NRG3: variants seen among roughly 807,000 people sequenced by gnomAD.
NRG3 encodes the protein neuregulin 3.
NRG3 carries 31 observed loss-of-function variants against 66.9 expected under a neutral mutation model. The ratio of observed to expected loss-of-function variants is 0.46; its 90% confidence interval spans 0.35 to 0.63. The LOEUF is 0.63. NRG3 is among the 20% of genes least tolerant of loss of function. NRG3 has a pLI of 0.00. For missense variants in NRG3, 910 were observed against 878.9 expected, an observed-to-expected ratio of 1.04 and a Z score of -0.45; for synonymous variants, 393 against 359.4, an observed-to-expected ratio of 1.09 and a Z score of -1.06.
At chr10:82,828,608 A>C (rs757033091) in intron 3 of NRG3, among the ~76,000 whole-genome samples, 1 of 152,226 alleles carries the variant, frequency 6.6e-6, no homozygotes, top group Admixed American at 6.5e-5. Context: ...AAGAATGGAA[A>C]TATTCTGATT....
intron 2 of NRG3, among the ~76,000 whole-genome samples, chr10:82,365,290 A>C (rs79182911): frequency 0.035 from 5,381 of 152,290 alleles, 158 homozygotes; most frequent in African/African-American, 0.08. Flanking sequence ...TAAAATATCT[A>C]TAAATCCAGG....
chr10:82,799,141 T>G lies in NRG3; in HGVS notation c.1027+60491T>G, dbSNP rs142437263. Among the ~76,000 whole-genome samples, 504 of 152,296 alleles carry G rather than the reference T, an allele frequency of 3.3e-3. 4 individuals are homozygous for G. Among genetic ancestry groups the G allele is most frequent in the African/African-American group, 0.012 (493 of 41,562 alleles). ...TTTCCAAGAACAGAGTATATCAGCA[T>G]GATAGAGTTCTAACAAAAGATGCTG... On this transcript the variant is annotated intron_variant, in intron 3 of 8. Coordinates refer to ENST00000372141, the MANE Select transcript of NRG3 (RefSeq NM_001010848.4).
intron 1 of NRG3, among the ~76,000 whole-genome samples, chr10:82,127,161 G>A (rs546165114): frequency 2.0e-5 from 3 of 152,226 alleles, no homozygotes; most frequent in African/African-American, 7.2e-5. Context: ...TGCTGCAAGG[G>A]CAGCTTAAGT....
chr10:81,978,449 G>C (rs1371914381), intron 1 of NRG3, among the ~76,000 whole-genome samples: 1 of 152,076 alleles, frequency 6.6e-6, no homozygotes, highest in Non-Finnish European at 1.5e-5. Context: ...TTTGCTTCAA[G>C]ATAGCCAAGA....
chr10:82,938,620 T>C (rs1848301934), intron 4 of NRG3, among the ~76,000 whole-genome samples: 1 of 152,208 alleles, frequency 6.6e-6, no homozygotes, highest in African/African-American at 2.4e-5. Flanking sequence ...TTACACCTCA[T>C]CTGTCTGAGA....
At chr10:82,242,534 G>T (rs1157992920) in intron 1 of NRG3, among the ~76,000 whole-genome samples, 1 of 152,084 alleles carries the variant, frequency 6.6e-6, no homozygotes, top group Non-Finnish European at 1.5e-5. Flanking sequence ...AAAATAATAA[G>T]AAAAAAGTCA....
At chr10:82,751,405 A>T (rs1024939373) in intron 3 of NRG3, among the ~76,000 whole-genome samples, 8 of 152,186 alleles carry the variant, frequency 5.3e-5, no homozygotes, top group African/African-American at 1.9e-4. Context: ...ACATTTTTAA[A>T]TATTGGGCAT....
intron 2 of NRG3, among the ~76,000 whole-genome samples, chr10:82,737,573 T>G (rs1050093827): frequency 3.9e-5 from 6 of 152,158 alleles, no homozygotes; most frequent in African/African-American, 1.4e-4. Flanking sequence ...TTCCTCCTCT[T>G]AAGTAGGACA....
At chr10:82,802,235 AG>A (rs1323103500) in intron 3 of NRG3, among the ~76,000 whole-genome samples, 2 of 152,316 alleles carry the variant, frequency 1.3e-5, no homozygotes, top group East Asian at 3.9e-4. Context: ...CGACAGAGAG[AG>A]GAGGCCCTGG....
intron 1 of NRG3, among the ~76,000 whole-genome samples, chr10:82,287,793 T>C (rs148656787): frequency 0.012 from 1,846 of 152,258 alleles, 22 homozygotes; most frequent in Non-Finnish European, 0.02. Flanking sequence ...CTTGAGACTT[T>C]GGTCCCGACC....
intron 1 of NRG3, chr10:82,166,863 G>A: frequency 1.6e-6 from 1 of 636,324 alleles, no homozygotes; most frequent in Non-Finnish European, 2.9e-6. Flanking sequence ...CTTCATTACT[G>A]AAAGGTATTT....
intron 2 of NRG3, among the ~76,000 whole-genome samples, chr10:82,554,976 G>A (rs559960727): frequency 3.9e-5 from 6 of 152,106 alleles, no homozygotes; most frequent in Non-Finnish European, 8.8e-5. Context: ...CAGTGGCCCA[G>A]CCTCTGAAAT....
At chr10:82,662,451 A>G (rs556492685) in intron 2 of NRG3, among the ~76,000 whole-genome samples, 2 of 150,046 alleles carry the variant, frequency 1.3e-5, no homozygotes, top group Admixed American at 6.5e-5. Flanking sequence ...CCTCTAAAAG[A>G]TGCTTAGACA....
chr10:82,095,608 A>T (rs1437352682), intron 1 of NRG3, among the ~76,000 whole-genome samples: 1 of 152,216 alleles, frequency 6.6e-6, no homozygotes, highest in East Asian at 1.9e-4. Context: ...AGTGAAGTGA[A>T]ATCAGTGATA....
At chr10:82,271,664 T>A (rs1284537033) in intron 1 of NRG3, among the ~76,000 whole-genome samples, 4 of 152,130 alleles carry the variant, frequency 2.6e-5, no homozygotes, top group Non-Finnish European at 5.9e-5. Flanking sequence ...TTTACTGTTT[T>A]CCTGCACCAA....
chr10:82,005,612 CAGTAA>C (rs1216508661), intron 1 of NRG3, among the ~76,000 whole-genome samples: 5 of 152,056 alleles, frequency 3.3e-5, no homozygotes, highest in Non-Finnish European at 7.4e-5. Context: ...TGAATGATAC[CAGTAA>C]AGTTACCATC....
rs192548972 is a variant in NRG3, at chr10:82,363,361, C to G, written c.953+4493C>G. The stretch of plus-strand genomic sequence containing the variant: ...AGGGGGCTGTGAAAACACGTGTCCA[C>G]AAATACTACTTGAGGGAGTGCACTT... On this transcript the variant is annotated intron_variant, in intron 2 of 8. Coordinates refer to ENST00000372141, the MANE Select transcript of NRG3 (RefSeq NM_001010848.4). Among the ~76,000 whole-genome samples the G allele has an allele frequency of 3.2e-3, 486 of 152,338 alleles. 1 individual carries two copies. The highest frequency in any genetic ancestry group is 4.4e-3 in the Non-Finnish European group (297 of 68,034).
At chr10:81,902,417 G>T (rs1161705350) in intron 1 of NRG3, among the ~76,000 whole-genome samples, 1 of 152,154 alleles carries the variant, frequency 6.6e-6, no homozygotes, top group Admixed American at 6.5e-5. Context: ...CCTTTGGGAT[G>T]TAATTAGGTC....
chr10:82,207,143 G>A (rs1417196144), intron 1 of NRG3, among the ~76,000 whole-genome samples: 1 of 152,152 alleles, frequency 6.6e-6, no homozygotes, highest in Non-Finnish European at 1.5e-5. Context: ...TTCTAATCTA[G>A]AGGTCTTTGG....
Sources: gnomAD v4.1 joint callset for allele counts (sites outside exome capture counted in the v4.1 genomes callset) on GRCh38, gnomAD v4.1.1 for gene constraint, MANE v1.5 for transcripts, NCBI Gene and HGNC (gene_info 2026-07-23, HGNC 2026-07-21) for gene names.